The following PCSK5 variants were observed in gnomAD, a reference collection of about 807,000 sequenced individuals.
PCSK5 encodes prohormone convertase 5.
PCSK5 carries 129 observed loss-of-function variants against 233.2 expected under a neutral mutation model. That is an observed-to-expected ratio of 0.55 (90% CI 0.48 to 0.64). The LOEUF (loss-of-function observed/expected upper bound fraction) is 0.64, where lower values mean the gene tolerates loss of function less well. Among genes scored for constraint, PCSK5 ranks in the 30% least tolerant of loss-of-function variants. PCSK5 has a pLI of 0.00. For synonymous variants in PCSK5, 825 were observed against 879.2 expected, an observed-to-expected ratio of 0.94 and a Z score of 1.09; for missense variants, 2,076 against 2,430.1, an observed-to-expected ratio of 0.85 and a Z score of 3.06.
At chr9:76,158,876 C>A in intron 11 of PCSK5, 107 bp from the exon 12 acceptor site, 1 of 900,776 alleles carries the variant, frequency 1.1e-6, no homozygotes, top group Non-Finnish European at 1.8e-6. Context: ...TAGTATCCAG[C>A]TATCAGCTGC....
In PCSK5 at chr9:76,359,210, A is replaced by C. The variant is rs1348696702; in HGVS notation, c.*288A>C. 1 of 377,738 alleles carries C rather than the reference A, an allele frequency of 2.6e-6. No individual in the cohort carries two copies. The highest frequency in any genetic ancestry group is 3.9e-5 in the Admixed American group (1 of 25,434). The allele number at this position is 377,738 out of a possible 1,614,324, so 23.4% of individuals were successfully genotyped here. A position where few individuals can be genotyped will look rare whatever the true frequency, so the allele number is the denominator to read the frequency against. ...AAGACACAAAAATGAAGGAAGTGAA[A>C]ACAAATGAGATTTGTACAAACTCTT... On this transcript the variant is annotated 3_prime_UTR_variant, in exon 38 of 38. Transcript: ENST00000674117.
intron 11 of PCSK5, among the ~76,000 whole-genome samples, chr9:76,157,969 A>G (rs1272086207): frequency 6.6e-6 from 1 of 152,216 alleles, no homozygotes; most frequent in African/African-American, 2.4e-5. Flanking sequence ...TTCTCATTTG[A>G]AAAATGTGGA....
intron 7 of PCSK5, among the ~76,000 whole-genome samples, chr9:76,084,369 A>C (rs986241693): frequency 1.3e-5 from 2 of 152,194 alleles, no homozygotes; most frequent in Non-Finnish European, 2.9e-5. Context: ...GCAAATTTCA[A>C]ATTTTTATTA....
intron 20 of PCSK5, among the ~76,000 whole-genome samples, chr9:76,201,449 G>T (rs1303363909): frequency 1.3e-5 from 2 of 152,170 alleles, no homozygotes; most frequent in Non-Finnish European, 2.9e-5. Context: ...TAGATAGAAG[G>T]TCTGGGATTA....
At chr9:76,061,452 A>G (rs1214967533) in intron 5 of PCSK5, among the ~76,000 whole-genome samples, 1 of 152,218 alleles carries the variant, frequency 6.6e-6, no homozygotes, top group Middle Eastern at 3.2e-3. Context: ...ATTTCAAAAT[A>G]GAGGCCCTTG....
At chr9:76,335,899 G>A (rs1291506022) in intron 34 of PCSK5, among the ~76,000 whole-genome samples, 1 of 152,172 alleles carries the variant, frequency 6.6e-6, no homozygotes, top group Non-Finnish European at 1.5e-5. Context: ...TGAAGAAACT[G>A]AGGATCAGAG....
At chr9:76,190,862 T>C (rs745866940) in intron 20 of PCSK5, among the ~76,000 whole-genome samples, 2 of 152,216 alleles carry the variant, frequency 1.3e-5, no homozygotes, top group Non-Finnish European at 2.9e-5. Context: ...ATTGAATTGA[T>C]CTGGGGTGCA....
Position 76,360,312 on chromosome 9 carries a change from G to T in PCSK5, c.*1390G>T, listed in dbSNP as rs1214825682. ...ACCATACTCCCATGAGGTTGGTATTGCTATTATTCTGTTCTTGTAGGAAAC... is the reference window on the plus strand; with the variant it reads ...ACCATACTCCCATGAGGTTGGTATTTCTATTATTCTGTTCTTGTAGGAAAC... On this transcript the variant is annotated 3_prime_UTR_variant, in exon 38 of 38. Transcript: ENST00000674117. 1 of 152,080 alleles carries T rather than the reference G, an allele frequency of 6.6e-6. No individual in the cohort carries two copies. Among genetic ancestry groups the T allele is most frequent in the East Asian group, 1.9e-4 (1 of 5,194 alleles). The allele number at this position is 152,080 out of a possible 1,614,324, so 9.4% of individuals were successfully genotyped here.
chr9:76,182,321 GTCT>G (rs1440086244), intron 16 of PCSK5, among the ~76,000 whole-genome samples: 12 of 152,098 alleles, frequency 7.9e-5, no homozygotes, highest in Admixed American at 2.6e-4. Flanking sequence ...AAATATGACT[GTCT>G]TTTAAGAGTA....
At chr9:76,148,915 C>T (rs1395436211) in intron 10 of PCSK5, among the ~76,000 whole-genome samples, 3 of 152,154 alleles carry the variant, frequency 2.0e-5, no homozygotes, top group Admixed American at 6.5e-5. Flanking sequence ...TAAATCCAGC[C>T]GTGCATTCCA....
chr9:75,987,795 A>G (rs1826586891), intron 3 of PCSK5, among the ~76,000 whole-genome samples: 1 of 152,244 alleles, frequency 6.6e-6, no homozygotes, highest in Non-Finnish European at 1.5e-5. Context: ...CTGCACTGAC[A>G]AAATGATAAG....
In PCSK5 at chr9:76,107,321, C is replaced by T. The variant is rs561597662; in HGVS notation, c.1178C>T (p.Ala393Val). The change falls in exon 9 of 38, where the codon GCA becomes GTA. Residue 393 changes from alanine (A) to valine (V), a missense_variant. Physicochemically the swap from Ala to Val is moderately conservative, Grantham distance 64. Around this residue, in one of 6 missense-constraint regions of PCSK5, gnomAD observed 178 missense variants for 393.6 expected, o/e 0.45. Transcript: ENST00000674117. ...ACGTCAGCCTCAGCCCCCATGGCTG[C>T]AGGCATCATTGCGCTGGCCCTGGAA... is the stretch of plus-strand genomic sequence containing the variant. ...TGTSASAPMA[A>V]GIIALALEAN... The T allele has an allele frequency of 6.2e-7, 1 of 1,613,412 alleles. No individual in the cohort carries two copies. The highest frequency in any genetic ancestry group is 1.1e-5 in the South Asian group (1 of 91,072).
At chr9:76,067,487 C>A (rs1564006831) in intron 5 of PCSK5, among the ~76,000 whole-genome samples, 2 of 152,142 alleles carry the variant, frequency 1.3e-5, no homozygotes, top group Admixed American at 6.5e-5. Context: ...ATTGGAAATA[C>A]TTGATCTGTA....
At chr9:76,126,752 G>A (rs778135988) in intron 9 of PCSK5, among the ~76,000 whole-genome samples, 1 of 152,152 alleles carries the variant, frequency 6.6e-6, no homozygotes, top group African/African-American at 2.4e-5. Flanking sequence ...CATGGATGTC[G>A]AGTGTGGGAT....
chr9:75,944,154 C>A (rs973231090), intron 2 of PCSK5, among the ~76,000 whole-genome samples: 1 of 150,952 alleles, frequency 6.6e-6, no homozygotes, highest in African/African-American at 2.4e-5. Context: ...CAGAGTGAGA[C>A]TCTATCTCAA....
At chr9:75,964,183 A>G (rs1244861194) in intron 2 of PCSK5, among the ~76,000 whole-genome samples, 1 of 152,126 alleles carries the variant, frequency 6.6e-6, no homozygotes, top group African/African-American at 2.4e-5. Flanking sequence ...AACATGCTCA[A>G]TTGTGTATAT....
Position 76,027,052 on chromosome 9 carries a change from A to AG in PCSK5, c.632+19dup, listed in dbSNP as rs761868510. ...AACGAGAACAAGTAAGGCCCAAGTG[A>AG]GGGGTGGCTGGCATGTGGCTGGCAA... On this transcript the variant is annotated intron_variant, in intron 5 of 37. Coordinates refer to ENST00000674117, the MANE Select transcript of PCSK5 (RefSeq NM_001372043.1). 3.8e-6 allele frequency: 6 copies of AG among 1,576,754 alleles called. No individual in the cohort carries two copies. In the African/African-American group the frequency reaches 5.4e-5, roughly 14 times the overall value.
In PCSK5 at chr9:76,358,515, G is replaced by A. The variant is rs72745135; in HGVS notation, c.5257G>A (p.Glu1753Lys). The part of the protein sequence containing the change: ...ECCDCQDTTD[E>K]CILRTSKVRP... Reference sequence around the variant, plus strand: ...CCTTTGAGGTCTTCTTCCAACAGACGAATGCATCCTTCGAACAAGCAAGGT... The same window carrying A: ...CCTTTGAGGTCTTCTTCCAACAGACAAATGCATCCTTCGAACAAGCAAGGT... The change falls in exon 38 of 38, where the codon GAA (glutamate) becomes AAA (lysine). Residue 1753 changes from glutamate (E) to lysine (K), a missense_variant and splice_region_variant. Coordinates refer to ENST00000674117, the MANE Select transcript of PCSK5 (RefSeq NM_001372043.1). 0.011 allele frequency: 17,349 copies of A among 1,606,970 alleles called. 132 individuals are homozygous for A. Among genetic ancestry groups the A allele is most frequent in the Non-Finnish European group, 0.013 (15,483 of 1,175,128 alleles).
At chr9:76,244,597 T>G (rs1253380260) in intron 24 of PCSK5, among the ~76,000 whole-genome samples, 2 of 150,040 alleles carry the variant, frequency 1.3e-5, no homozygotes, top group Admixed American at 6.6e-5. Flanking sequence ...TGTATTCCTT[T>G]CCAGCTATTT....
Sources: allele counts gnomAD v4.1 joint callset (sites outside exome capture counted in the v4.1 genomes callset), GRCh38; gene constraint gnomAD v4.1.1; regional missense constraint gnomAD v4.1.1; transcripts MANE v1.5; gene names NCBI Gene and HGNC (gene_info 2026-07-23, HGNC 2026-07-21).